Variants in CTNND2 observed in about 807,000 individuals in gnomAD.
CTNND2 encodes catenin delta 2, also known as catenin delta-2.
Under a neutral mutation model 144.4 loss-of-function variants are expected in CTNND2, and 22 were observed. The ratio of observed to expected loss-of-function variants is 0.15; its 90% CI spans 0.11 to 0.22. The LOEUF is 0.22. Ranked by LOEUF, CTNND2 falls within the 10% of genes least tolerant of loss-of-function variation. The pLI, the probability that CTNND2 is intolerant of heterozygous loss-of-function variation, is 1.00. For missense variants in CTNND2, 1,353 were observed against 1,618.8 expected (o/e 0.84, Z 2.82); for synonymous variants, 751 against 695.6 (o/e 1.08, Z -1.25).
chr5:11,641,710 G>A (rs796261029), intron 2 of CTNND2, among the ~76,000 whole-genome samples: 4 of 121,976 alleles, frequency 3.3e-5, no homozygotes. Flanking sequence ...ACATATACGT[G>A]TGTGTATACA....
At chr5:11,626,229 G>T (rs1581628791) in intron 2 of CTNND2, among the ~76,000 whole-genome samples, 1 of 152,182 alleles carries the variant, frequency 6.6e-6, no homozygotes, top group East Asian at 1.9e-4. Context: ...ATGCCAACTT[G>T]TCTACCTTCC....
chr5:11,307,897 G>A (rs1012175657), intron 9 of CTNND2, among the ~76,000 whole-genome samples: 1 of 152,140 alleles, frequency 6.6e-6, no homozygotes, highest in African/African-American at 2.4e-5. Flanking sequence ...GACTTTGGGA[G>A]GTGATTAGGT....
chr5:11,490,848 C>T (rs754719970), intron 3 of CTNND2, among the ~76,000 whole-genome samples: 4 of 152,054 alleles, frequency 2.6e-5, no homozygotes, highest in Non-Finnish European at 2.9e-5. Context: ...GAAGGCCTGG[C>T]ATGGTGGCTC....
chr5:11,516,631 A>C (rs571502159), intron 3 of CTNND2, among the ~76,000 whole-genome samples: 3 of 152,304 alleles, frequency 2.0e-5, no homozygotes, highest in South Asian at 4.1e-4. Context: ...TAAGTGCAAA[A>C]TGTATATCAT....
intron 9 of CTNND2, among the ~76,000 whole-genome samples, chr5:11,267,077 C>A (rs1453863945): frequency 6.6e-6 from 1 of 152,194 alleles, no homozygotes; most frequent in Non-Finnish European, 1.5e-5. Context: ...TGGGTTTTCG[C>A]CATGTTGGCC....
At chr5:11,733,571 G>A (rs981726802) in intron 1 of CTNND2, among the ~76,000 whole-genome samples, 2 of 152,136 alleles carry the variant, frequency 1.3e-5, no homozygotes, top group African/African-American at 4.8e-5. Flanking sequence ...CAGAAGCCAT[G>A]ATTAATAATT....
chr5:11,610,871 A>G (rs1780287010), intron 2 of CTNND2, among the ~76,000 whole-genome samples: 3 of 152,196 alleles, frequency 2.0e-5, no homozygotes, highest in Admixed American at 2.0e-4. Flanking sequence ...GTTCACTTGA[A>G]TGAGAAGATA....
chr5:11,768,162 T>C (rs987977027), intron 1 of CTNND2, among the ~76,000 whole-genome samples: 5 of 152,216 alleles, frequency 3.3e-5, no homozygotes, highest in Non-Finnish European at 5.9e-5. Context: ...TCTTCATTAG[T>C]CTGTTGTCTT....
intron 8 of CTNND2, among the ~76,000 whole-genome samples, chr5:11,360,124 A>C (rs1756299073): frequency 6.6e-6 from 1 of 152,174 alleles, no homozygotes; most frequent in African/African-American, 2.4e-5. Context: ...GATTTAAATT[A>C]GTCTTCATAA....
At chr5:11,383,733 T>C (rs897136703) in intron 7 of CTNND2, among the ~76,000 whole-genome samples, 2 of 152,238 alleles carry the variant, frequency 1.3e-5, no homozygotes, top group Non-Finnish European at 2.9e-5. Flanking sequence ...CAGCATCTGT[T>C]ACTAGAGTGA....
chr5:11,766,607 A>T (rs12654644), intron 1 of CTNND2, among the ~76,000 whole-genome samples: 145,031 of 152,220 alleles, frequency 0.95, 69,479 homozygotes, highest in East Asian at 1. Context: ...TTTCTTTTGT[A>T]AATTGCCCAG....
intron 9 of CTNND2, among the ~76,000 whole-genome samples, chr5:11,310,996 T>G (rs963816445): frequency 1.4e-5 from 2 of 140,652 alleles, no homozygotes; most frequent in East Asian, 2.3e-4. Flanking sequence ...ACTCTCTCCA[T>G]GCACCCTCAC....
chr5:11,065,133 A>C (rs983596517), intron 16 of CTNND2, among the ~76,000 whole-genome samples: 1 of 152,244 alleles, frequency 6.6e-6, no homozygotes, highest in African/African-American at 2.4e-5. Context: ...GACAACTGGG[A>C]AGCTAAAATG....
At chr5:11,164,860 T>G (rs1759148206) in intron 11 of CTNND2, among the ~76,000 whole-genome samples, 2 of 152,020 alleles carry the variant, frequency 1.3e-5, no homozygotes, top group African/African-American at 4.8e-5. Flanking sequence ...CACTGTTCCA[T>G]CCTCCAACAG....
intron 3 of CTNND2, among the ~76,000 whole-genome samples, chr5:11,481,705 A>C (rs1457777824): frequency 6.6e-6 from 1 of 152,052 alleles, no homozygotes; most frequent in East Asian, 1.9e-4. Flanking sequence ...ACCTAAAAGG[A>C]ATTATCTGGG....
chr5:11,358,828 A>G (rs2149760923), intron 8 of CTNND2, among the ~76,000 whole-genome samples: 1 of 152,248 alleles, frequency 6.6e-6, no homozygotes, highest in East Asian at 1.9e-4. Context: ...CATCTTCATG[A>G]AGATATTTAG....
chr5:11,518,700 T>TA (rs1772430066), intron 3 of CTNND2, among the ~76,000 whole-genome samples: 1 of 152,212 alleles, frequency 6.6e-6, no homozygotes, highest in East Asian at 1.9e-4. Context: ...CACAACTACT[T>TA]ACCATTGTGT....
At position 11,612,884 on chromosome 5, in the gene CTNND2, A is replaced by T. The variant is rs191591992; in HGVS notation, c.175-47828T>A. On this transcript the variant is annotated intron_variant, in intron 2 of 21. Coordinates refer to ENST00000304623, the MANE Select transcript of CTNND2 (RefSeq NM_001332.4). ...CACTGCACTCCAGCCTAGGTGAAAA[A>T]GGGAGACCCTGCCTCAATATAAATA... Among the ~76,000 whole-genome samples, 6 of 152,320 alleles carry T rather than the reference A, an allele frequency of 3.9e-5. No individual in the cohort carries two copies. In the East Asian group the frequency reaches 9.6e-4, roughly 24 times the overall value.
At chr5:11,826,184 G>A (rs1793590013) in intron 1 of CTNND2, among the ~76,000 whole-genome samples, 1 of 151,754 alleles carries the variant, frequency 6.6e-6, no homozygotes, top group Admixed American at 6.6e-5. Context: ...ACATATATAG[G>A]AAAAAATCAT....
Sources: gnomAD v4.1 joint callset for allele counts (sites outside exome capture counted in the v4.1 genomes callset) on GRCh38, gnomAD v4.1.1 for gene constraint, MANE v1.5 for transcripts, NCBI Gene and HGNC (gene_info 2026-07-23, HGNC 2026-07-21) for gene names.